ATXN10: variants seen among roughly 807,000 people sequenced by gnomAD.
ATXN10 encodes ataxin-10.
A neutral mutation model predicts 52.9 loss-of-function variants in ATXN10; 28 were observed. The ratio of observed to expected loss-of-function variants is 0.53; its 90% CI spans 0.39 to 0.73. The LOEUF (loss-of-function observed/expected upper bound fraction) is 0.73. ATXN10 is among the 30% of genes least tolerant of loss of function. The pLI is 0.00. For missense variants in ATXN10, 565 were observed against 577.0 expected (o/e 0.98, Z 0.21); for synonymous variants, 226 against 221.5 (o/e 1.02, Z -0.18).
At chr22:45,791,336 T>A (rs957431484) in intron 9 of ATXN10, among the ~76,000 whole-genome samples, 1 of 152,230 alleles carries the variant, frequency 6.6e-6, no homozygotes, top group Non-Finnish European at 1.5e-5. Context: ...TTATTGAATT[T>A]ATTTTTCTAT....
rs1004308330 is a variant in ATXN10 at position 45,702,858 on chromosome 22, T to C, written c.647+11T>C. Reference sequence around the variant, plus strand: ...TGAATCAGAATGGCCGTAAGTATCTTGTTAGAAATTTGATTGCTTTGGGGC... The same window carrying C: ...TGAATCAGAATGGCCGTAAGTATCTCGTTAGAAATTTGATTGCTTTGGGGC... On this transcript the variant is annotated intron_variant, in intron 5 of 11. Coordinates refer to ENST00000252934, the MANE Select transcript of ATXN10 (RefSeq NM_013236.4). The C allele has an allele frequency of 8.7e-6, 14 of 1,613,516 alleles. No homozygotes were observed. Among genetic ancestry groups the C allele is most frequent in the Non-Finnish European group, 1.2e-5 (14 of 1,179,908 alleles).
At chr22:45,830,096 A>G (rs550960264) in intron 10 of ATXN10, among the ~76,000 whole-genome samples, 4 of 152,356 alleles carry the variant, frequency 2.6e-5, no homozygotes, top group African/African-American at 9.6e-5. Context: ...GCTGAAAAGG[A>G]TGACAACACC....
In ATXN10 at chr22:45,826,899, A is replaced by T. The variant is rs1415265239; in HGVS notation, c.1238-16092A>T. Among the ~76,000 whole-genome samples, 1 of 152,212 alleles carries T rather than the reference A, an allele frequency of 6.6e-6. No homozygotes were observed. Among genetic ancestry groups the T allele is most frequent in the Non-Finnish European group, 1.5e-5 (1 of 68,034 alleles). On this transcript the variant is annotated intron_variant, in intron 10 of 11. Coordinates refer to ENST00000252934, the MANE Select transcript of ATXN10 (RefSeq NM_013236.4). The surrounding 1 kb of genome is among the most constrained non-coding windows in gnomAD (Gnocchi z 5.0). ...TGAGCAATATACAAGCTAGTTTATA[A>T]CTTCACATTTTGTTTTCTACATATT...
intron 8 of ATXN10, among the ~76,000 whole-genome samples, chr22:45,739,962 A>G (rs1454674243): frequency 1.3e-5 from 2 of 152,200 alleles, no homozygotes; most frequent in Admixed American, 1.3e-4. Flanking sequence ...GGTTTCTGTC[A>G]TATGCATCAT....
chr22:45,836,456 G>A (rs563700893), intron 10 of ATXN10, among the ~76,000 whole-genome samples: 8 of 152,222 alleles, frequency 5.3e-5, no homozygotes, highest in African/African-American at 1.9e-4. Flanking sequence ...CCCTGCGAGC[G>A]GGAGCTCTTC....
Position 45,671,838 on chromosome 22 carries a change from TCTC to T in ATXN10, c.-218_-216del, listed in dbSNP as rs924235600. The T allele has an allele frequency of 1.7e-5, 6 of 355,188 alleles. No individual in the cohort carries two copies. In the East Asian group the frequency reaches 2.0e-4, roughly 12 times the overall value. 22.0% of individuals were successfully genotyped at this position (355,188 alleles called of 1,614,324 possible). ...CGGCGCCCCCTCCCCCGCGGCGCCG[TCTC>T]CTCCTCCCGCCTGAGGCGAGTCTGG... On this transcript the variant is annotated 5_prime_UTR_variant, in exon 1 of 12. Coordinates refer to ENST00000252934, the MANE Select transcript of ATXN10 (RefSeq NM_013236.4).
At chr22:45,720,652 A>T (rs1924616171) in intron 6 of ATXN10, among the ~76,000 whole-genome samples, 1 of 152,228 alleles carries the variant, frequency 6.6e-6, no homozygotes, top group African/African-American at 2.4e-5. Context: ...CTTGATACCC[A>T]TTAGGATGGC....
intron 10 of ATXN10, among the ~76,000 whole-genome samples, chr22:45,830,417 A>T (rs1242576556): frequency 6.6e-6 from 1 of 152,256 alleles, no homozygotes; most frequent in Non-Finnish European, 1.5e-5. Context: ...ACAGAGTGAA[A>T]ATGTAATCCA....
chr22:45,806,890 A>C, intron 9 of ATXN10, 69 bp from the exon 10 acceptor site: 1 of 1,197,108 alleles, frequency 8.4e-7, no homozygotes, highest in Non-Finnish European at 1.2e-6. Context: ...CAAAAGGAAC[A>C]AGTCATCTGT....
chr22:45,740,738 A>T, intron 9 of ATXN10, 200 bp downstream of exon 9: 1 of 270,770 alleles, frequency 3.7e-6, no homozygotes, highest in Non-Finnish European at 6.5e-6. Context: ...ACACACACAC[A>T]CGTGTGTGTG....
rs554706558 is a variant in ATXN10 at position 45,845,250 on chromosome 22, G to T, written c.*1579G>T. On this transcript the variant is annotated 3_prime_UTR_variant, in exon 12 of 12. Transcript: ENST00000252934. This position sits in a 1 kb window ranked among gnomAD's most constrained non-coding sequence, Gnocchi z 4.7. ...ACCAGTGGAATCGCACAAACTTGTC[G>T]GTATGAGCTATATAATAACAAACAC... is the stretch of plus-strand genomic sequence containing the variant. 5 of 152,092 alleles carry T rather than the reference G, an allele frequency of 3.3e-5. No individual in the cohort carries two copies. The highest frequency in any genetic ancestry group is 5.9e-5 in the Non-Finnish European group (4 of 68,032). 9.4% of individuals were successfully genotyped at this position (152,092 alleles called of 1,614,324 possible).
At chr22:45,714,800 G>A (rs547805661) in intron 5 of ATXN10, among the ~76,000 whole-genome samples, 2 of 152,158 alleles carry the variant, frequency 1.3e-5, no homozygotes, top group African/African-American at 4.8e-5. Flanking sequence ...CTCTACCAAG[G>A]CTTTCTTCTA....
intron 9 of ATXN10, among the ~76,000 whole-genome samples, chr22:45,785,684 TA>T (rs1294574623): frequency 2.0e-5 from 3 of 152,188 alleles, no homozygotes; most frequent in Non-Finnish European, 2.9e-5. Context: ...GCGCCAGGCT[TA>T]ACTCAGTGCT....
At chr22:45,779,740 C>T (rs1248913424) in intron 9 of ATXN10, among the ~76,000 whole-genome samples, 2 of 152,090 alleles carry the variant, frequency 1.3e-5, no homozygotes, top group African/African-American at 2.4e-5. Context: ...GACAAGAAAG[C>T]GAAGACTTGA....
intron 7 of ATXN10, 43 bp from the exon 8 acceptor site, chr22:45,738,688 C>A (rs761776508): frequency 2.7e-6 from 4 of 1,457,086 alleles, no homozygotes; most frequent in Non-Finnish European, 3.8e-6. Flanking sequence ...TAAATAATTT[C>A]TCTTAAAATA....
At chr22:45,721,468 C>A (rs1924647377) in intron 6 of ATXN10, among the ~76,000 whole-genome samples, 1 of 152,142 alleles carries the variant, frequency 6.6e-6, no homozygotes, top group African/African-American at 2.4e-5. Flanking sequence ...AATGGTCACC[C>A]CCGTAAACGT....
In ATXN10 at chr22:45,677,124, T is replaced by C. The variant is rs1922729686; in HGVS notation, c.116+4945T>C. 6.6e-6 allele frequency: 1 copy of C among 152,206 alleles called. No individual in the cohort carries two copies. The highest frequency in any genetic ancestry group is 1.5e-5 in the Non-Finnish European group (1 of 68,028). 9.4% of individuals were successfully genotyped at this position (152,206 alleles called of 1,614,324 possible). ...GTAGTAAGTTTTCTATAGGGGAGAT[T>C]GTATTTTGACTCTTGAGTATTCTTG... On this transcript the variant is annotated intron_variant, in intron 1 of 11. Coordinates refer to ENST00000252934, the MANE Select transcript of ATXN10 (RefSeq NM_013236.4). The surrounding 1 kb of genome is among the most constrained non-coding windows in gnomAD (Gnocchi z 4.1).
chr22:45,719,591 A>G (rs1008772850), intron 6 of ATXN10, among the ~76,000 whole-genome samples: 4 of 152,156 alleles, frequency 2.6e-5, no homozygotes, highest in Non-Finnish European at 4.4e-5. Flanking sequence ...ACCTGAATAC[A>G]GGAAGAATGC....
At position 45,755,517 on chromosome 22, in the gene ATXN10, G is replaced by A. The variant is rs1038193338; in HGVS notation, c.1173+14979G>A. Among the ~76,000 whole-genome samples the A allele has an allele frequency of 4.6e-5, 7 of 152,178 alleles. No individual in the cohort carries two copies. The East Asian group carries it at 1.2e-3, about 25-fold the overall frequency. On this transcript the variant is annotated intron_variant, in intron 9 of 11. Coordinates refer to ENST00000252934, the MANE Select transcript of ATXN10 (RefSeq NM_013236.4). Reference sequence around the variant, plus strand: ...CCTTTCCCCTTCCCTCCTCCTGGCCGCACTAAGTTCTGGGGTTGGTTACTG... The same window carrying A: ...CCTTTCCCCTTCCCTCCTCCTGGCCACACTAAGTTCTGGGGTTGGTTACTG...
Sources: gnomAD v4.1 joint callset for allele counts (sites outside exome capture counted in the v4.1 genomes callset) on GRCh38, gnomAD v4.1.1 for gene constraint, Gnocchi (gnomAD v3.1) non-coding constraint, MANE v1.5 for transcripts, NCBI Gene and HGNC (gene_info 2026-07-23, HGNC 2026-07-21) for gene names.